CDH9: variants seen among roughly 807,000 people sequenced by gnomAD.
CDH9 encodes the protein cadherin 9, also known as cadherin-9.
CDH9 carries 28 observed loss-of-function variants against 70.9 expected under a neutral mutation model. The ratio of observed to expected loss-of-function variants is 0.40; its 90% CI spans 0.29 to 0.54. The LOEUF (loss-of-function observed/expected upper bound fraction) is 0.54. Ranked by LOEUF, CDH9 falls within the 20% of genes least tolerant of loss-of-function variation. The pLI is 0.59. For synonymous variants in CDH9, 409 were observed against 343.1 expected (o/e 1.19, Z -2.12); for missense variants, 874 against 984.4 (o/e 0.89, Z 1.50).
chr5:26,958,440 C>T (rs1182316816), intron 2 of CDH9, among the ~76,000 whole-genome samples: 3 of 152,290 alleles, frequency 2.0e-5, no homozygotes, highest in African/African-American at 2.4e-5. Flanking sequence ...GATCTCTCTG[C>T]GTGCCTCCTG....
At chr5:26,906,684 T>C in intron 4 of CDH9, 35 bp downstream of exon 4, 1 of 1,609,502 alleles carries the variant, frequency 6.2e-7, no homozygotes, top group Admixed American at 1.7e-5. Flanking sequence ...TAATGTATTA[T>C]ACAATAAGAA....
intron 7 of CDH9, among the ~76,000 whole-genome samples, chr5:26,891,025 TG>T (rs1183684091): frequency 3.9e-5 from 6 of 152,228 alleles, no homozygotes; most frequent in East Asian, 1.9e-4. Flanking sequence ...CGCTCTTGAA[TG>T]TTTTTTTATT....
intron 6 of CDH9, 170 bp from the exon 7 acceptor site, chr5:26,902,899 T>G (rs1365809173): frequency 3.6e-6 from 2 of 553,594 alleles, no homozygotes; most frequent in Admixed American, 6.4e-5. Context: ...TGTTTTGCCA[T>G]ACACTTATTC....
At chr5:26,960,572 C>A (rs1742017180) in intron 2 of CDH9, among the ~76,000 whole-genome samples, 1 of 151,904 alleles carries the variant, frequency 6.6e-6, no homozygotes, top group Non-Finnish European at 1.5e-5. Context: ...TTCCTATGAT[C>A]TTGAAGCTTT....
At chr5:26,911,373 C>T (rs1741050627) in intron 3 of CDH9, among the ~76,000 whole-genome samples, 1 of 152,092 alleles carries the variant, frequency 6.6e-6, no homozygotes, top group South Asian at 2.1e-4. Context: ...GTTAGAAATA[C>T]AATTGGATAC....
At chr5:26,910,643 G>A (rs1741035441) in intron 3 of CDH9, among the ~76,000 whole-genome samples, 1 of 152,180 alleles carries the variant, frequency 6.6e-6, no homozygotes, top group Non-Finnish European at 1.5e-5. Flanking sequence ...AAGAAAAGAG[G>A]TGAATAGTAT....
chr5:26,990,968 G>C (rs542556031), intron 1 of CDH9, among the ~76,000 whole-genome samples: 1 of 152,212 alleles, frequency 6.6e-6, no homozygotes, highest in Non-Finnish European at 1.5e-5. Context: ...CTTAGGCAGG[G>C]GCTAGGATCC....
intron 2 of CDH9, among the ~76,000 whole-genome samples, chr5:26,934,588 C>T (rs1362745122): frequency 1.3e-5 from 2 of 152,142 alleles, no homozygotes. Context: ...ATGGGGATCA[C>T]ATTTCAACAT....
chr5:26,881,796 A>G (rs756563392), intron 11 of CDH9, among the ~76,000 whole-genome samples, 173 bp from the exon 12 acceptor site: 3 of 152,098 alleles, frequency 2.0e-5, no homozygotes, highest in African/African-American at 4.8e-5. Flanking sequence ...GATGCACTGT[A>G]TTGATAAAGG....
At chr5:26,970,907 T>C (rs768308515) in intron 2 of CDH9, among the ~76,000 whole-genome samples, 6 of 152,160 alleles carry the variant, frequency 3.9e-5, no homozygotes, top group Non-Finnish European at 8.8e-5. Flanking sequence ...GATGTTCACA[T>C]ATAATTCAAG....
At chr5:26,971,957 A>C (rs1334979288) in intron 2 of CDH9, among the ~76,000 whole-genome samples, 1 of 152,206 alleles carries the variant, frequency 6.6e-6, no homozygotes, top group Non-Finnish European at 1.5e-5. Context: ...GGTATGAATA[A>C]ACTGGGAAAG....
intron 2 of CDH9, among the ~76,000 whole-genome samples, chr5:26,921,536 A>C (rs1168161518): frequency 6.6e-6 from 1 of 152,170 alleles, no homozygotes; most frequent in East Asian, 1.9e-4. Context: ...AAACTGGACA[A>C]ACAAAAAGGT....
chr5:27,013,221 G>A (rs1742987866), intron 1 of CDH9, among the ~76,000 whole-genome samples: 1 of 151,792 alleles, frequency 6.6e-6, no homozygotes, highest in African/African-American at 2.4e-5. Context: ...AGTTTAACTA[G>A]GAACTTTAAG....
At chr5:27,001,368 A>T (rs2112105618) in intron 1 of CDH9, among the ~76,000 whole-genome samples, 1 of 152,212 alleles carries the variant, frequency 6.6e-6, no homozygotes, top group African/African-American at 2.4e-5. Flanking sequence ...ATGTTTTGAC[A>T]ATTCTCTTGC....
At chr5:26,927,701 G>C (rs1333618018) in intron 2 of CDH9, among the ~76,000 whole-genome samples, 1 of 151,880 alleles carries the variant, frequency 6.6e-6, no homozygotes, top group Non-Finnish European at 1.5e-5. Context: ...TTCTCTGCTG[G>C]GTTTTAAGTA....
intron 5 of CDH9, among the ~76,000 whole-genome samples, chr5:26,905,002 CTTA>C (rs1414309334): frequency 6.6e-6 from 1 of 151,900 alleles, no homozygotes; most frequent in Non-Finnish European, 1.5e-5. Flanking sequence ...GTTATTTAGG[CTTA>C]TTATTTATGT....
intron 1 of CDH9, among the ~76,000 whole-genome samples, chr5:27,008,456 C>CTCCA (rs2112112873): frequency 6.6e-6 from 1 of 151,304 alleles, no homozygotes; most frequent in South Asian, 2.1e-4. Context: ...CACCACTGCA[C>CTCCA]TCCAGCCTGG....
chr5:26,989,152 G>A (rs1438442121), intron 1 of CDH9, among the ~76,000 whole-genome samples: 2 of 151,944 alleles, frequency 1.3e-5, no homozygotes, highest in Non-Finnish European at 2.9e-5. Flanking sequence ...CACATGTTAC[G>A]TATAGGATAA....
intron 1 of CDH9, among the ~76,000 whole-genome samples, chr5:27,033,652 A>G (rs1376019038): frequency 6.6e-6 from 1 of 151,530 alleles, no homozygotes; most frequent in Non-Finnish European, 1.5e-5. Context: ...AAAACAAAAA[A>G]ACACAATTTT....
Sources: gnomAD v4.1 joint callset for allele counts (sites outside exome capture counted in the v4.1 genomes callset) on GRCh38, gnomAD v4.1.1 for gene constraint, MANE v1.5 for transcripts, NCBI Gene and HGNC (gene_info 2026-07-23, HGNC 2026-07-21) for gene names.